The following PXT1 variants were observed in gnomAD, a reference collection of about 807,000 sequenced individuals.
PXT1 encodes peroxisomal testis enriched protein 1.
A neutral mutation model predicts 11.0 loss-of-function variants in PXT1; 11 were observed. The observed-to-expected ratio is 1.00, with a 90% CI of 0.63 to 1.66. PXT1 has a LOEUF of 1.66. Among genes scored for constraint, PXT1 ranks in the 40% most tolerant of loss-of-function variants. The pLI is 0.00. For missense variants in PXT1, 141 were observed against 155.5 expected (o/e 0.91, Z 0.49); for synonymous variants, 43 against 51.4 (o/e 0.84, Z 0.70).
chr6:36,431,158 G>A (rs1450188419), intron 2 of PXT1, among the ~76,000 whole-genome samples: 1 of 152,102 alleles, frequency 6.6e-6, no homozygotes, highest in African/African-American at 2.4e-5. Flanking sequence ...GATAAATTTG[G>A]AAATGTAATT....
chr6:36,391,609 T>C lies in PXT1; in HGVS notation c.*161A>G. ...CTCCTCCGAAGAGACAAATGGCTCG[T>C]GAACCCGCAGTTCTTCAACAAACTG... is the stretch of plus-strand genomic sequence containing the variant. On this transcript the variant is annotated 3_prime_UTR_variant, in exon 5 of 5. Coordinates refer to ENST00000454782, the MANE Select transcript of PXT1 (RefSeq NM_152990.4). 1.5e-6 allele frequency: 1 copy of C among 653,240 alleles called. No individual in the cohort carries two copies. 40.5% of individuals were successfully genotyped at this position (653,240 alleles called of 1,614,324 possible).
At chr6:36,395,181 TA>T (rs1400929002) in intron 4 of PXT1, among the ~76,000 whole-genome samples, 2 of 152,072 alleles carry the variant, frequency 1.3e-5, no homozygotes, top group Non-Finnish European at 2.9e-5. Context: ...AGCACTTGCT[TA>T]AGTAAAAAGA....
chr6:36,409,959 GAA>G (rs1774344440), intron 3 of PXT1, among the ~76,000 whole-genome samples: 1 of 35,636 alleles, frequency 2.8e-5, no homozygotes, highest in African/African-American at 3.8e-4. Context: ...GAGAAAGGAA[GAA>G]AGAGAAAAAA....
intron 3 of PXT1, among the ~76,000 whole-genome samples, chr6:36,424,821 C>A (rs1774580572): frequency 1.3e-5 from 2 of 152,124 alleles, no homozygotes; most frequent in Admixed American, 1.3e-4. Flanking sequence ...ACGGTGAAAC[C>A]CCCGGCTCTA....
chr6:36,391,805 A>G lies in PXT1; in HGVS notation c.370T>C (p.Leu124=), dbSNP rs1326277626. The G allele has an allele frequency of 4.3e-6, 7 of 1,613,872 alleles. No homozygotes were observed. Among genetic ancestry groups the G allele is most frequent in the Non-Finnish European group, 5.9e-6 (7 of 1,179,754 alleles). ...TGGTTGTTCCAGAAAAAATGCAGCA[A>G]CACCTGAACTCTTCTAAAGAAAAAG... ...VFFFFRRVQV[L]LHFFWNNHLL is the part of the protein sequence containing the mutation. Residue 124 remains leucine (L), a synonymous_variant, in exon 5 of 5, where the codon TTG becomes CTG. Coordinates refer to ENST00000454782, the MANE Select transcript of PXT1 (RefSeq NM_152990.4).
At chr6:36,392,054 T>C (rs1415654502) in intron 4 of PXT1, 180 bp from the exon 5 acceptor site, 1 of 560,380 alleles carries the variant, frequency 1.8e-6, no homozygotes, top group Admixed American at 3.1e-5. Context: ...CATATGGTCA[T>C]ATCCTCACAA....
chr6:36,435,879 C>T (rs1387266363), intron 2 of PXT1, among the ~76,000 whole-genome samples: 3 of 151,860 alleles, frequency 2.0e-5, no homozygotes, highest in Non-Finnish European at 4.4e-5. Context: ...TAGAATAAAC[C>T]CCCTTTTCCT....
At chr6:36,436,591 G>A (rs1166462311) in intron 2 of PXT1, among the ~76,000 whole-genome samples, 4 of 152,148 alleles carry the variant, frequency 2.6e-5, no homozygotes, top group Non-Finnish European at 1.5e-5. Flanking sequence ...TCTGGGGGAG[G>A]GATGCAATGG....
chr6:36,422,053 T>C (rs1409604139), intron 3 of PXT1, among the ~76,000 whole-genome samples: 1 of 152,202 alleles, frequency 6.6e-6, no homozygotes, highest in African/African-American at 2.4e-5. Flanking sequence ...ATATTTTTCT[T>C]ATACAAAACA....
chr6:36,413,597 A>G (rs2127413820), intron 3 of PXT1, among the ~76,000 whole-genome samples: 1 of 152,318 alleles, frequency 6.6e-6, no homozygotes, highest in East Asian at 1.9e-4. Flanking sequence ...CATCAATAAC[A>G]ATGGATATTA....
At chr6:36,396,377 G>A (rs989960055) in intron 4 of PXT1, among the ~76,000 whole-genome samples, 4 of 152,176 alleles carry the variant, frequency 2.6e-5, no homozygotes, top group Non-Finnish European at 1.5e-5. Flanking sequence ...CATCTCTGCA[G>A]CTTGCACCCT....
At position 36,405,440 on chromosome 6, in the gene PXT1, G is replaced by A. The variant is rs146163068; in HGVS notation, c.170-4856C>T. Reference sequence around the variant, plus strand: ...GTTGCCCAGGCTGCAGTACAATGTCGCGATCTCAGCTCACTGCAACCTTTG... The same window carrying A: ...GTTGCCCAGGCTGCAGTACAATGTCACGATCTCAGCTCACTGCAACCTTTG... On this transcript the variant is annotated intron_variant, in intron 3 of 4. Transcript: ENST00000454782. Among the ~76,000 whole-genome samples, 921 of 151,368 alleles carry A rather than the reference G, an allele frequency of 6.1e-3. 8 individuals carry two copies. The highest frequency in any genetic ancestry group is 0.021 in the African/African-American group (854 of 41,214).
At chr6:36,416,178 AAG>A (rs1774444384) in intron 3 of PXT1, among the ~76,000 whole-genome samples, 1 of 150,160 alleles carries the variant, frequency 6.7e-6, no homozygotes. Flanking sequence ...CTCTACCAAA[AAG>A]AAAAGAAAAG....
intron 3 of PXT1, among the ~76,000 whole-genome samples, chr6:36,423,388 G>C (rs2127415878): frequency 6.6e-6 from 1 of 152,380 alleles, no homozygotes; most frequent in South Asian, 2.1e-4. Context: ...TCCCGCCCTA[G>C]GCTTTCTGTG....
chr6:36,397,445 T>A (rs1254732858), intron 4 of PXT1, among the ~76,000 whole-genome samples: 1 of 152,046 alleles, frequency 6.6e-6, no homozygotes, highest in Non-Finnish European at 1.5e-5. Flanking sequence ...ATCCAAATGG[T>A]GTTGGGACAA....
At position 36,430,882 on chromosome 6, in the gene PXT1, T is replaced by C. The variant is rs539669846; in HGVS notation, c.-9-4791A>G. ...CAAGCTGGAGTGCAGTGCCGCGATC[T>C]TGGCTCACTGCAACTTCCACCTCCC... On this transcript the variant is annotated intron_variant, in intron 2 of 4. Transcript: ENST00000454782. Among the ~76,000 whole-genome samples, 4 of 152,272 alleles carry C rather than the reference T, an allele frequency of 2.6e-5. No homozygotes were observed. In the South Asian group the frequency reaches 8.3e-4, roughly 32 times the overall value.
At chr6:36,438,574 C>T (rs1160963081) in intron 2 of PXT1, among the ~76,000 whole-genome samples, 193 bp downstream of exon 2, 1 of 152,104 alleles carries the variant, frequency 6.6e-6, no homozygotes, top group Non-Finnish European at 1.5e-5. Flanking sequence ...AGGTGCCTGC[C>T]ACCACGCCCG....
chr6:36,423,437 TA>T (rs1288477388), intron 3 of PXT1, among the ~76,000 whole-genome samples: 7 of 152,144 alleles, frequency 4.6e-5, no homozygotes, highest in South Asian at 4.1e-4. Flanking sequence ...GGTTAGGCGA[TA>T]GAGGTCACGT....
chr6:36,429,455 A>G (rs1214802712), intron 2 of PXT1, among the ~76,000 whole-genome samples: 1 of 141,464 alleles, frequency 7.1e-6, no homozygotes, highest in East Asian at 2.1e-4. Flanking sequence ...GTATCTTGTC[A>G]TTATTATTAT....
Sources: gnomAD v4.1 joint callset for allele counts (sites outside exome capture counted in the v4.1 genomes callset) on GRCh38, gnomAD v4.1.1 for gene constraint, MANE v1.5 for transcripts, NCBI Gene and HGNC (gene_info 2026-07-23, HGNC 2026-07-21) for gene names.